The following PODXL2 variants were observed in gnomAD, a reference collection of about 807,000 sequenced individuals.
PODXL2 encodes the protein podocalyxin-like protein 2.
A neutral mutation model predicts 53.4 loss-of-function variants in PODXL2; 17 were observed. The observed-to-expected ratio is 0.32, with a 90% CI of 0.22 to 0.48. The LOEUF is 0.48. PODXL2 is among the 20% of genes least tolerant of loss of function. The pLI, the probability that PODXL2 is intolerant of heterozygous loss-of-function variation, is 0.99. For synonymous variants in PODXL2, 311 were observed against 306.7 expected (o/e 1.01, Z -0.15); for missense variants, 673 against 760.0 (o/e 0.89, Z 1.35).
Position 127,672,426 on chromosome 3 carries a change from G to A in PODXL2, c.1764G>A (p.Gly588=), listed in dbSNP as rs1289094411. The part of the protein sequence containing the change: ...NGPGSWGALM[G]GKRDPEDSDV... ...CGGGGAGCTGGGGGGCGCTCATGGG[G>A]GGCAAGCGGGACCCCGAGGACTCGG... Residue 588 remains glycine (G), a synonymous_variant, in exon 8 of 8, where the codon GGG becomes GGA. Coordinates refer to ENST00000342480, the MANE Select transcript of PODXL2 (RefSeq NM_015720.4). 1 of 1,541,122 alleles carries A rather than the reference G, an allele frequency of 6.5e-7. No homozygotes were observed. The highest frequency in any genetic ancestry group is 1.2e-5 in the South Asian group (1 of 83,908).
At chr3:127,654,325 A>G (rs140035356) in intron 2 of PODXL2, among the ~76,000 whole-genome samples, 6 of 152,268 alleles carry the variant, frequency 3.9e-5, no homozygotes, top group African/African-American at 1.4e-4. Context: ...GTGATGCTGT[A>G]TCTTCTTAGT....
chr3:127,661,036 G>A lies in PODXL2; in HGVS notation c.1008G>A (p.Leu336=). 2 of 1,614,200 alleles carry A rather than the reference G, an allele frequency of 1.2e-6. No individual in the cohort carries two copies. Among genetic ancestry groups the A allele is most frequent in the Non-Finnish European group, 1.7e-6 (2 of 1,180,002 alleles). The change falls in exon 3 of 8, where the codon CTG becomes CTA. Residue 336 remains leucine, a synonymous_variant. Coordinates refer to ENST00000342480, the MANE Select transcript of PODXL2 (RefSeq NM_015720.4). Reference sequence around the variant, plus strand: ...CTAGAACCTCAGCCTCTTCCCCACTGGCCCCTGGAGACATGGAACTGACAC... The same window carrying A: ...CTAGAACCTCAGCCTCTTCCCCACTAGCCCCTGGAGACATGGAACTGACAC... ...LGSRTSASSP[L]APGDMELTPS...
chr3:127,651,145 C>G (rs2074686661), intron 2 of PODXL2, among the ~76,000 whole-genome samples: 1 of 152,158 alleles, frequency 6.6e-6, no homozygotes, highest in Admixed American at 6.5e-5. Context: ...GCACTTTAAT[C>G]CCAGCTACTC....
At chr3:127,663,845 A>G (rs1366448080) in intron 4 of PODXL2, among the ~76,000 whole-genome samples, 1 of 152,224 alleles carries the variant, frequency 6.6e-6, no homozygotes, top group Admixed American at 6.5e-5. Context: ...TACTTGAACA[A>G]TACAGCCTAA....
intron 1 of PODXL2, among the ~76,000 whole-genome samples, chr3:127,632,373 T>G (rs577984814): frequency 3.9e-5 from 6 of 152,286 alleles, no homozygotes; most frequent in African/African-American, 1.4e-4. Flanking sequence ...TTCAGTGGTT[T>G]TGTAGAGAGT....
At chr3:127,641,210 A>G (rs149228782) in intron 2 of PODXL2, among the ~76,000 whole-genome samples, 130 of 151,188 alleles carry the variant, frequency 8.6e-4, no homozygotes, top group African/African-American at 2.6e-3. Context: ...CCGCACCCGG[A>G]CAACATGTTA....
At chr3:127,662,442 T>C in intron 4 of PODXL2, 131 bp downstream of exon 4, 2 of 626,752 alleles carry the variant, frequency 3.2e-6, no homozygotes, top group Non-Finnish European at 5.6e-6. Context: ...GGCCCAGGGA[T>C]ATACCAGCAG....
At chr3:127,638,517 C>G (rs893157036) in intron 1 of PODXL2, among the ~76,000 whole-genome samples, 3 of 152,148 alleles carry the variant, frequency 2.0e-5, no homozygotes, top group African/African-American at 7.2e-5. Flanking sequence ...GAGTTCAAAA[C>G]CAGCCTGACC....
chr3:127,661,472 G>T (rs925880470), intron 3 of PODXL2, among the ~76,000 whole-genome samples: 7 of 150,906 alleles, frequency 4.6e-5, no homozygotes, highest in Admixed American at 1.3e-4. Flanking sequence ...GTCTCACTCT[G>T]TCGCCCAGGC....
chr3:127,668,143 T>TCC (rs57144412), intron 4 of PODXL2, among the ~76,000 whole-genome samples: 3,604 of 143,284 alleles, frequency 0.025, 79 homozygotes, highest in Non-Finnish European at 0.035. Context: ...TGTGTGTGTG[T>TCC]CCCCAGCCCC....
At chr3:127,663,020 C>G (rs111478615) in intron 4 of PODXL2, among the ~76,000 whole-genome samples, 1,750 of 152,276 alleles carry the variant, frequency 0.011, 9 homozygotes, top group Middle Eastern at 0.027. Context: ...TGCAGAGTGA[C>G]CTTCTCCCTC....
chr3:127,670,527 C>T (rs1393617057), intron 6 of PODXL2, among the ~76,000 whole-genome samples: 1 of 152,216 alleles, frequency 6.6e-6, no homozygotes, highest in Admixed American at 6.5e-5. Context: ...AAAAGTCATG[C>T]TGGGTCTTTG....
chr3:127,668,101 CGT>C (rs55716588), intron 4 of PODXL2, among the ~76,000 whole-genome samples: 17,710 of 145,682 alleles, frequency 0.12, 1,138 homozygotes, highest in African/African-American at 0.18. Context: ...TACATGGCTG[CGT>C]GTGTGTGTGT....
At chr3:127,667,501 C>T (rs1364005971) in intron 4 of PODXL2, among the ~76,000 whole-genome samples, 2 of 152,144 alleles carry the variant, frequency 1.3e-5, no homozygotes, top group African/African-American at 2.4e-5. Flanking sequence ...GGGGAGGAGC[C>T]GGAGTGAGGA....
rs753206251 is a variant in PODXL2, at chr3:127,669,241, T to C, written c.1425+39T>C. 1.8e-5 allele frequency: 24 copies of C among 1,344,920 alleles called. No homozygotes were observed. The South Asian group carries it at 2.9e-4, about 16-fold the overall frequency. 83.3% of individuals were successfully genotyped at this position (1,344,920 alleles called of 1,614,324 possible). A position where few individuals can be genotyped will look rare whatever the true frequency, so the allele number is the denominator to read the frequency against. ...GACCTGGACCTGTTAGCTTCTAATA[T>C]GCTCCCTCCTGTCTCTGTTCCTCAA... On this transcript the variant is annotated intron_variant, in intron 6 of 7. Coordinates refer to ENST00000342480, the MANE Select transcript of PODXL2 (RefSeq NM_015720.4).
chr3:127,659,619 G>A (rs982567661), intron 2 of PODXL2, among the ~76,000 whole-genome samples: 1 of 152,144 alleles, frequency 6.6e-6, no homozygotes, highest in Non-Finnish European at 1.5e-5. Flanking sequence ...ATAGTTATTT[G>A]GAAGAGGCCT....
At chr3:127,642,057 C>T (rs957734675) in intron 2 of PODXL2, among the ~76,000 whole-genome samples, 7 of 151,736 alleles carry the variant, frequency 4.6e-5, no homozygotes, top group East Asian at 2.0e-4. Context: ...TTTGGGAGTT[C>T]GAGGTGGGCA....
chr3:127,640,198 C>T (rs555645773), intron 2 of PODXL2, among the ~76,000 whole-genome samples: 1 of 152,322 alleles, frequency 6.6e-6, no homozygotes, highest in East Asian at 1.9e-4. Context: ...CATGGCCCCT[C>T]CACCAATGTC....
Position 127,671,623 on chromosome 3 carries a change from G to A in PODXL2, c.1605+10G>A, listed in dbSNP as rs2074840326. ...CAAGCTCAAGCACGTGGTGAGTGTG[G>A]GGACAGGTGGGGCTGGGGGCCAGTT... is the stretch of plus-strand genomic sequence containing the variant. On this transcript the variant is annotated intron_variant, in intron 7 of 7. Coordinates refer to ENST00000342480, the MANE Select transcript of PODXL2 (RefSeq NM_015720.4). 3 of 1,610,910 alleles carry A rather than the reference G, an allele frequency of 1.9e-6. No homozygotes were observed. Among genetic ancestry groups the A allele is most frequent in the Non-Finnish European group, 2.5e-6 (3 of 1,179,262 alleles).
Sources: gnomAD v4.1 joint callset for allele counts (sites outside exome capture counted in the v4.1 genomes callset) on GRCh38, gnomAD v4.1.1 for gene constraint, MANE v1.5 for transcripts, NCBI Gene and HGNC (gene_info 2026-07-23, HGNC 2026-07-21) for gene names.